AKAP1: variants seen among roughly 807,000 people sequenced by gnomAD.
AKAP1 encodes the protein A-kinase anchoring protein 1, also known as A-kinase anchor protein 1, mitochondrial.
AKAP1 carries 32 observed loss-of-function variants against 79.8 expected under a neutral mutation model. That is an observed-to-expected ratio of 0.40 (90% confidence interval 0.30 to 0.54). The LOEUF (loss-of-function observed/expected upper bound fraction) is 0.54, where lower values mean the gene tolerates loss of function less well. Ranked by LOEUF, AKAP1 falls within the 20% of genes least tolerant of loss-of-function variation. The pLI is 0.47. For synonymous variants in AKAP1, 416 were observed against 466.7 expected, an observed-to-expected ratio of 0.89 and a Z score of 1.40; for missense variants, 961 against 1,138.9, an observed-to-expected ratio of 0.84 and a Z score of 2.25.
chr17:57,105,252 A>G (rs950472509), intron 1 of AKAP1, among the ~76,000 whole-genome samples, 189 bp from the exon 2 acceptor site: 1 of 152,182 alleles, frequency 6.6e-6, no homozygotes, highest in African/African-American at 2.4e-5. Context: ...CTTCCTGGCC[A>G]CTGACCCCCA....
intron 1 of AKAP1, among the ~76,000 whole-genome samples, chr17:57,099,428 C>G (rs1192558202): frequency 6.6e-6 from 1 of 152,184 alleles, no homozygotes; most frequent in African/African-American, 2.4e-5. Flanking sequence ...CCTTGGGTCT[C>G]TGGCTCTAGT....
rs1201874014 is a variant in AKAP1, at chr17:57,086,226, G to C, written c.-25+828G>C. ...GTGTCCGGCCCCGCCTGCGGCCCAG[G>C]GCCCGGGGTCTGCGATCTGGAGGGA... On this transcript the variant is annotated intron_variant, in intron 1 of 10. Coordinates refer to ENST00000337714, the MANE Select transcript of AKAP1 (RefSeq NM_003488.4). This position sits in a 1 kb window ranked among gnomAD's most constrained non-coding sequence, Gnocchi z 5.1. 1 of 329,526 alleles carries C rather than the reference G, an allele frequency of 3.0e-6. No homozygotes were observed. The highest frequency in any genetic ancestry group is 1.1e-4 in the East Asian group (1 of 9,198). The allele number at this position is 329,526 out of a possible 1,614,324, so 20.4% of individuals were successfully genotyped here. A position where few individuals can be genotyped will look rare whatever the true frequency, so the allele number is the denominator to read the frequency against.
chr17:57,096,456 C>G (rs1291900580), intron 1 of AKAP1: 1 of 152,316 alleles, frequency 6.6e-6, no homozygotes, highest in African/African-American at 2.4e-5. Flanking sequence ...GGTGCTGGCC[C>G]CCCTGGCTTC....
At chr17:57,104,028 G>A (rs1206781330) in intron 1 of AKAP1, among the ~76,000 whole-genome samples, 2 of 151,890 alleles carry the variant, frequency 1.3e-5, no homozygotes, top group African/African-American at 4.8e-5. Flanking sequence ...TCTTGATCTC[G>A]GCTCACTGCA....
chr17:57,103,136 C>T (rs1407048222), intron 1 of AKAP1, among the ~76,000 whole-genome samples: 1 of 152,216 alleles, frequency 6.6e-6, no homozygotes, highest in Non-Finnish European at 1.5e-5. Context: ...TAAATTTCTT[C>T]CCTGAGGAAT....
intron 1 of AKAP1, among the ~76,000 whole-genome samples, chr17:57,100,559 G>A (rs773261802): frequency 1.3e-5 from 2 of 152,206 alleles, no homozygotes; most frequent in African/African-American, 2.4e-5. Context: ...AGAGGTTGCT[G>A]TAAGCCGAGA....
Position 57,116,199 on chromosome 17 carries a change from G to A in AKAP1, c.2370G>A (p.Glu790=). The change falls in exon 7 of 11, where the codon GAG becomes GAA. Residue 790 remains glutamate (E), a synonymous_variant. Coordinates refer to ENST00000337714, the MANE Select transcript of AKAP1 (RefSeq NM_003488.4). ...VASYEETNEV[E]IRYVDYGGYK... is the part of the protein sequence containing the mutation. ...CCTACGAGGAGACCAACGAAGTGGA[G>A]ATTCGATACGTGGACTACGGCGGAT... The A allele has an allele frequency of 1.2e-6, 2 of 1,614,214 alleles. No individual in the cohort carries two copies. Among genetic ancestry groups the A allele is most frequent in the Non-Finnish European group, 1.7e-6 (2 of 1,180,044 alleles).
chr17:57,101,144 C>T (rs1235355539), intron 1 of AKAP1, among the ~76,000 whole-genome samples: 1 of 152,232 alleles, frequency 6.6e-6, no homozygotes, highest in East Asian at 1.9e-4. Flanking sequence ...AAAGCAAATA[C>T]AAGGCAAATC....
chr17:57,120,259 A>T lies in AKAP1; in HGVS notation c.2647A>T (p.Ile883Leu), dbSNP rs142002910. The stretch of plus-strand genomic sequence containing the variant: ...GAACTTTCTTTTCTAGGTGGTGTTG[A>T]TAAACCGGTCCCTGGTGGAGCGAGG... The part of the protein sequence containing the change: ...WSVVGDEVVL[I>L]NRSLVERGLA... The change falls in exon 11 of 11, where the codon ATA becomes TTA. Residue 883 changes from isoleucine (I) to leucine (L), a missense_variant. Ile to Leu is a conservative substitution (Grantham distance 5). Coordinates refer to ENST00000337714, the MANE Select transcript of AKAP1 (RefSeq NM_003488.4). The T allele has an allele frequency of 1.2e-4, 190 of 1,613,474 alleles. 1 individual carries two copies. The African/African-American group carries it at 1.9e-3, about 16-fold the overall frequency.
At chr17:57,108,121 A>G in intron 2 of AKAP1, 1 of 843,968 alleles carries the variant, frequency 1.2e-6, no homozygotes. Flanking sequence ...AGAGGCCACG[A>G]ATATCCCGAG....
chr17:57,120,492 T>C lies in AKAP1; in HGVS notation c.*168T>C, dbSNP rs530361029. ...ACATTTCGTCTCTGAGAAAAAAGGA[T>C]GGAACTATGGGTTCTCTTCGCAAAG... On this transcript the variant is annotated 3_prime_UTR_variant, in exon 11 of 11. Coordinates refer to ENST00000337714, the MANE Select transcript of AKAP1 (RefSeq NM_003488.4). The C allele has an allele frequency of 3.3e-6, 2 of 599,172 alleles. No individual in the cohort carries two copies. Among genetic ancestry groups the C allele is most frequent in the East Asian group, 3.0e-5 (1 of 33,260 alleles). 37.1% of individuals were successfully genotyped at this position (599,172 alleles called of 1,614,324 possible). A position where few individuals can be genotyped will look rare whatever the true frequency, so the allele number is the denominator to read the frequency against.
intron 1 of AKAP1, among the ~76,000 whole-genome samples, chr17:57,087,824 T>G (rs1020675106): frequency 6.6e-6 from 1 of 152,204 alleles, no homozygotes; most frequent in Non-Finnish European, 1.5e-5. Context: ...CTTGATTGTG[T>G]GTGCATTTCA....
Position 57,106,823 on chromosome 17 carries a change from T to A in AKAP1, c.1359T>A (p.Asn453Lys). The change falls in exon 2 of 11, where the codon AAT (asparagine) becomes AAA (lysine). Residue 453 changes from asparagine (N) to lysine (K), a missense_variant. By Grantham distance (94) the Asn-to-Lys change is moderately conservative (BLOSUM62 0). Around this residue, in one of 3 missense-constraint regions of AKAP1, gnomAD observed 629 missense variants for 781.1 expected, o/e 0.81. Coordinates refer to ENST00000337714, the MANE Select transcript of AKAP1 (RefSeq NM_003488.4). ...GCCCCACCAAGGACAGTAAGCCAAA[T>A]ATCTCTGCACACCACATCTCCCTGG... is the stretch of plus-strand genomic sequence containing the variant. The part of the protein sequence containing the change: ...LSSPTKDSKP[N>K]ISAHHISLAS... 3 of 1,614,094 alleles carry A rather than the reference T, an allele frequency of 1.9e-6. No homozygotes were observed. Among genetic ancestry groups the A allele is most frequent in the Non-Finnish European group, 1.7e-6 (2 of 1,180,030 alleles).
At chr17:57,107,290 C>T (rs1914956576) in intron 2 of AKAP1, 112 bp downstream of exon 2, 1 of 1,444,054 alleles carries the variant, frequency 6.9e-7, no homozygotes, top group Non-Finnish European at 9.3e-7. Context: ...TCATAGTGCT[C>T]TTCAGCTCTT....
chr17:57,089,207 C>T (rs1482658252), intron 1 of AKAP1, among the ~76,000 whole-genome samples: 1 of 152,128 alleles, frequency 6.6e-6, no homozygotes, highest in Non-Finnish European at 1.5e-5. Context: ...CCAAACGTGC[C>T]CAGGGGCCAC....
chr17:57,103,720 T>G (rs1003453273), intron 1 of AKAP1, among the ~76,000 whole-genome samples: 1 of 152,208 alleles, frequency 6.6e-6, no homozygotes, highest in East Asian at 1.9e-4. Flanking sequence ...AGATTTAAAG[T>G]TTGCTGGCAT....
rs1913440109 is a variant in AKAP1 at position 57,086,183 on chromosome 17, G to T, written c.-25+785G>T. On this transcript the variant is annotated intron_variant, in intron 1 of 10. Coordinates refer to ENST00000337714, the MANE Select transcript of AKAP1 (RefSeq NM_003488.4). This position sits in a 1 kb window ranked among gnomAD's most constrained non-coding sequence, Gnocchi z 5.1. ...TGGGGTGTCTGCCGACCTCACGCCC[G>T]GGGGCCCCGACGGTCACGTGTCCGG... 1.6e-5 allele frequency: 5 copies of T among 317,594 alleles called. No homozygotes were observed. The highest frequency in any genetic ancestry group is 3.1e-5 in the Non-Finnish European group (5 of 161,596). The allele number at this position is 317,594 out of a possible 1,614,324, so 19.7% of individuals were successfully genotyped here.
intron 7 of AKAP1, 26 bp downstream of exon 7, chr17:57,116,287 C>T (rs370817450): frequency 1.4e-5 from 23 of 1,613,094 alleles, no homozygotes; most frequent in Admixed American, 5.0e-5. Flanking sequence ...TCAGGCAGGC[C>T]TACGCCCTGC....
Position 57,120,565 on chromosome 17 carries a change from C to A in AKAP1, c.*241C>A. On this transcript the variant is annotated 3_prime_UTR_variant, in exon 11 of 11. Transcript: ENST00000337714. ...CCAGCTGGCTTATGCTGGTTCTCAG[C>A]TGTTTAAAAAAAAAAAAAAAAAGGA... is the stretch of plus-strand genomic sequence containing the variant. 6.5e-6 allele frequency: 2 copies of A among 308,510 alleles called. No homozygotes were observed. The highest frequency in any genetic ancestry group is 1.2e-5 in the Non-Finnish European group (2 of 173,156). The allele number at this position is 308,510 out of a possible 1,614,324, so 19.1% of individuals were successfully genotyped here.
Sources: gnomAD v4.1 joint callset for allele counts (sites outside exome capture counted in the v4.1 genomes callset) on GRCh38, gnomAD v4.1.1 for gene constraint, gnomAD v4.1.1 regional missense constraint, Gnocchi (gnomAD v3.1) non-coding constraint, MANE v1.5 for transcripts, NCBI Gene and HGNC (gene_info 2026-07-23, HGNC 2026-07-21) for gene names.